Variants in TRMT11 observed in about 807,000 individuals in gnomAD.
TRMT11 encodes tRNA methyltransferase 11.
In TRMT11, 53 loss-of-function variants were observed where a neutral mutation model predicts 62.8. The observed-to-expected ratio is 0.84, with a 90% CI of 0.68 to 1.06. TRMT11 has a LOEUF of 1.06. Among genes scored for constraint, TRMT11 ranks in the 50% least tolerant of loss-of-function variants. The pLI, the probability that TRMT11 is intolerant of heterozygous loss-of-function variation, is 0.00. For missense variants in TRMT11, 556 were observed against 553.4 expected (o/e 1.00, Z -0.05); for synonymous variants, 188 against 190.3 (o/e 0.99, Z 0.10).
At chr6:126,211,199 G>A in the TRMT11 span, among the ~76,000 whole-genome samples, 6 of 152,192 alleles carry the variant, frequency 3.9e-5, no homozygotes, top group East Asian at 9.7e-4. Flanking sequence ...CATCATGAGG[G>A]CCTTGGAGGT....
chr6:126,002,909 A>G (rs531472904), intron 7 of TRMT11, among the ~76,000 whole-genome samples: 1 of 152,256 alleles, frequency 6.6e-6, no homozygotes, highest in Non-Finnish European at 1.5e-5. Context: ...CACAAAAGGT[A>G]TCATACTGTG....
At chr6:126,205,474 A>C (rs1778780748), downstream of TRMT11, among the ~76,000 whole-genome samples, 1 of 152,232 alleles carries the variant, frequency 6.6e-6, no homozygotes, top group Non-Finnish European at 1.5e-5. Flanking sequence ...ACTGCATTCT[A>C]GCCTGGGTGA....
intron 21 of TRMT11, among the ~76,000 whole-genome samples, chr6:126,127,551 C>T (rs1453187113): frequency 6.6e-6 from 1 of 151,596 alleles, no homozygotes; most frequent in African/African-American, 2.4e-5. Flanking sequence ...ATGTGCACAA[C>T]GTGCAGGTTT....
chr6:126,098,418 T>A (rs1165881091), intron 17 of TRMT11, among the ~76,000 whole-genome samples: 3 of 152,204 alleles, frequency 2.0e-5, no homozygotes, highest in African/African-American at 7.2e-5. Context: ...ATTTGCCTTT[T>A]ATAAAAGCAT....
the TRMT11 span, among the ~76,000 whole-genome samples, chr6:126,236,748 A>T: frequency 0.015 from 2,237 of 152,236 alleles, 40 homozygotes; most frequent in Admixed American, 0.047. Flanking sequence ...AATGTATCTA[A>T]GATTTCTGAG....
intron 11 of TRMT11, among the ~76,000 whole-genome samples, chr6:126,013,947 T>G (rs1421464048): frequency 6.6e-6 from 1 of 152,206 alleles, no homozygotes; most frequent in Non-Finnish European, 1.5e-5. Context: ...AATGCTAGCT[T>G]TAATATATAT....
intron 1 of TRMT11, among the ~76,000 whole-genome samples, chr6:126,186,997 A>C (rs1383432052): frequency 6.6e-6 from 1 of 152,060 alleles, no homozygotes; most frequent in Non-Finnish European, 1.5e-5. Context: ...AGTCATCTAT[A>C]AAAAAGCTTA....
intron 12 of TRMT11, among the ~76,000 whole-genome samples, chr6:126,028,535 A>G (rs960083956): frequency 2.0e-5 from 3 of 152,192 alleles, no homozygotes; most frequent in African/African-American, 7.2e-5. Context: ...GTGATGCTGC[A>G]TATCATGCTG....
At chr6:126,094,968 T>C (rs1298298106) in intron 17 of TRMT11, among the ~76,000 whole-genome samples, 1 of 152,214 alleles carries the variant, frequency 6.6e-6, no homozygotes, top group Non-Finnish European at 1.5e-5. Flanking sequence ...TTCTAGTGAC[T>C]ACCTTATAGC....
chr6:126,076,168 T>G (rs1777017280), intron 17 of TRMT11, among the ~76,000 whole-genome samples: 1 of 152,132 alleles, frequency 6.6e-6, no homozygotes. Context: ...AGTGATGTCT[T>G]CTATCTTTTC....
At chr6:126,064,985 TGA>T (rs1373543774) in intron 17 of TRMT11, among the ~76,000 whole-genome samples, 4 of 152,256 alleles carry the variant, frequency 2.6e-5, no homozygotes, top group Non-Finnish European at 4.4e-5. Flanking sequence ...TTTAGATGTG[TGA>T]GCTGATCCCC....
chr6:126,154,545 A>G (rs1396419970), intron 21 of TRMT11, among the ~76,000 whole-genome samples: 1 of 152,176 alleles, frequency 6.6e-6, no homozygotes, highest in Non-Finnish European at 1.5e-5. Context: ...TGCTTAGAGG[A>G]GATAATGTCA....
chr6:126,179,411 G>C (rs1778429284), intron 1 of TRMT11, among the ~76,000 whole-genome samples: 1 of 152,118 alleles, frequency 6.6e-6, no homozygotes, highest in Admixed American at 6.6e-5. Flanking sequence ...GATTGAACTT[G>C]TTTGAACCCA....
rs1030711775 is a variant in TRMT11, at chr6:126,119,500, A to G, written c.*1823+3645A>G. ...TTTGATAAAAAAAAAAAAAAAAAAG[A>G]CTAAGACAAGAAAACTGGTGGCTGT... is the stretch of plus-strand genomic sequence containing the variant. On this transcript the variant is annotated intron_variant and NMD_transcript_variant, in intron 21 of 22. Transcript: ENST00000648977. Among the ~76,000 whole-genome samples the G allele has an allele frequency of 5.4e-5, 8 of 148,830 alleles. No homozygotes were observed. In the South Asian group the frequency reaches 1.7e-3, roughly 32 times the overall value.
At chr6:126,231,331 T>C in the TRMT11 span, among the ~76,000 whole-genome samples, 1 of 152,136 alleles carries the variant, frequency 6.6e-6, no homozygotes, top group Non-Finnish European at 1.5e-5. Flanking sequence ...TAAATAGATA[T>C]ATTGGAAAAG....
At chr6:126,265,300 C>T in the TRMT11 span, among the ~76,000 whole-genome samples, 1 of 151,952 alleles carries the variant, frequency 6.6e-6, no homozygotes, top group African/African-American at 2.4e-5. Flanking sequence ...TAATATTTAC[C>T]TCCTATAGTA....
chr6:126,123,409 A>T (rs1008274679), intron 21 of TRMT11, among the ~76,000 whole-genome samples: 1 of 152,128 alleles, frequency 6.6e-6, no homozygotes, highest in African/African-American at 2.4e-5. Context: ...GCCAGACGCC[A>T]GATGAGATAA....
At chr6:125,996,507 G>A (rs1048804984) in intron 3 of TRMT11, among the ~76,000 whole-genome samples, 2 of 152,180 alleles carry the variant, frequency 1.3e-5, no homozygotes, top group South Asian at 2.1e-4. Context: ...AAATCTTGGT[G>A]TGAATTAATG....
chr6:126,220,108 G>A, the TRMT11 span, among the ~76,000 whole-genome samples: 1 of 152,116 alleles, frequency 6.6e-6, no homozygotes, highest in Non-Finnish European at 1.5e-5. Context: ...AAGGGAAGAC[G>A]GATGATGGAG....
Sources: allele counts gnomAD v4.1 joint callset (sites outside exome capture counted in the v4.1 genomes callset), GRCh38; gene constraint gnomAD v4.1.1; transcripts MANE v1.5; gene names NCBI Gene and HGNC (gene_info 2026-07-23, HGNC 2026-07-21).